SLC4A4: variants seen among roughly 807,000 people sequenced by gnomAD.
SLC4A4 encodes the protein solute carrier family 4 member 4, also known as electrogenic sodium bicarbonate cotransporter 1.
A neutral mutation model predicts 111.5 loss-of-function variants in SLC4A4; 27 were observed. That is an observed-to-expected ratio of 0.24 (90% confidence interval 0.18 to 0.33). The LOEUF is 0.33. Ranked by LOEUF, SLC4A4 falls within the 10% of genes least tolerant of loss-of-function variation. The pLI, the probability that SLC4A4 is intolerant of heterozygous loss-of-function variation, is 1.00. For synonymous variants in SLC4A4, 443 were observed against 463.4 expected (o/e 0.96, Z 0.57); for missense variants, 909 against 1,315.5 (o/e 0.69, Z 4.78).
intron 2 of SLC4A4, among the ~76,000 whole-genome samples, chr4:71,127,510 T>A (rs1321040319): frequency 1.3e-5 from 2 of 152,186 alleles, no homozygotes; most frequent in Admixed American, 1.3e-4. Flanking sequence ...TTAAAATAAA[T>A]ATGCCAGACT....
In SLC4A4 at chr4:71,357,095, G is replaced by A. The variant is rs933990528; in HGVS notation, c.638G>A (p.Arg213Gln). The A allele has an allele frequency of 6.8e-6, 11 of 1,613,876 alleles. No individual in the cohort carries two copies. The highest frequency in any genetic ancestry group is 1.1e-5 in the South Asian group (1 of 91,080). Residue 213 changes from arginine to glutamine, a missense_variant, in exon 6 of 26, where the codon CGG becomes CAG. Physicochemically the swap from Arg to Gln is conservative, Grantham distance 43 (BLOSUM62 1). Around this residue, in one of 7 missense-constraint regions of SLC4A4, gnomAD observed 312 missense variants for 402.0 expected, o/e 0.78. Coordinates refer to ENST00000264485, the MANE Select transcript of SLC4A4 (RefSeq NM_001098484.3). ...ACCTATACTTTGCTCCGGAAGCACCGGCATCAAACCAAGAAATCCAACCTT... is the reference window on the plus strand; with the variant it reads ...ACCTATACTTTGCTCCGGAAGCACCAGCATCAAACCAAGAAATCCAACCTT... ...KVTYTLLRKH[R>Q]HQTKKSNLRS...
chr4:71,376,585 T>C (rs1732420567), intron 6 of SLC4A4, among the ~76,000 whole-genome samples: 1 of 148,264 alleles, frequency 6.7e-6, no homozygotes, highest in Non-Finnish European at 1.5e-5. Context: ...TATATATATA[T>C]ATTTAAAATA....
At chr4:71,348,639 G>A (rs184671293) in intron 4 of SLC4A4, among the ~76,000 whole-genome samples, 1 of 152,150 alleles carries the variant, frequency 6.6e-6, no homozygotes, top group Admixed American at 6.6e-5. Flanking sequence ...CTTTAGATAC[G>A]GCTAAAATAC....
At chr4:71,542,141 A>G (rs529280440) in intron 18 of SLC4A4, among the ~76,000 whole-genome samples, 150 of 152,238 alleles carry the variant, frequency 9.9e-4, no homozygotes, top group South Asian at 3.7e-3. Flanking sequence ...CTGTTCAACA[A>G]ATGTGTCTCC....
intron 16 of SLC4A4, among the ~76,000 whole-genome samples, chr4:71,510,714 A>G (rs1731838651): frequency 6.6e-6 from 1 of 152,218 alleles, no homozygotes; most frequent in South Asian, 2.1e-4. Flanking sequence ...TTTACATTCA[A>G]GGTAACTTTT....
intron 1 of SLC4A4, among the ~76,000 whole-genome samples, chr4:71,218,705 C>G (rs771684130): frequency 2.0e-5 from 3 of 152,110 alleles, no homozygotes; most frequent in Non-Finnish European, 2.9e-5. Context: ...GTTTTATCAT[C>G]TGTAAAAGGG....
intron 7 of SLC4A4, among the ~76,000 whole-genome samples, chr4:71,433,336 C>A (rs1474946762): frequency 6.6e-6 from 1 of 151,718 alleles, no homozygotes; most frequent in Non-Finnish European, 1.5e-5. Flanking sequence ...GCTAACTTTT[C>A]TGCCTGTGAT....
chr4:71,356,630 CTTT>C (rs890279501), intron 5 of SLC4A4, among the ~76,000 whole-genome samples: 155 of 152,238 alleles, frequency 1.0e-3, no homozygotes, highest in African/African-American at 3.6e-3. Flanking sequence ...TTTCTATACT[CTTT>C]TTAAGTTTTT....
At chr4:71,349,871 A>C in intron 4 of SLC4A4, 41 bp from the exon 5 acceptor site, 1 of 1,606,790 alleles carries the variant, frequency 6.2e-7, no homozygotes, top group African/African-American at 1.3e-5. Flanking sequence ...AGAGGAAGTT[A>C]GAACACTTTT....
intron 3 of SLC4A4, among the ~76,000 whole-genome samples, chr4:71,256,444 G>T (rs536517131): frequency 6.6e-6 from 1 of 152,184 alleles, no homozygotes; most frequent in Non-Finnish European, 1.5e-5. Flanking sequence ...AACTGAGCAG[G>T]TGGCTTAGGA....
chr4:71,296,493 C>A (rs1482548257), intron 3 of SLC4A4, among the ~76,000 whole-genome samples: 2 of 152,038 alleles, frequency 1.3e-5, no homozygotes, highest in African/African-American at 4.8e-5. Context: ...ACTCTACATT[C>A]CTGAAGTTTA....
intron 18 of SLC4A4, among the ~76,000 whole-genome samples, chr4:71,544,873 T>C (rs1216458314): frequency 6.6e-6 from 1 of 151,918 alleles, no homozygotes; most frequent in Non-Finnish European, 1.5e-5. Context: ...GAGGGCAAGA[T>C]TTTTTTTGTC....
Position 71,532,127 on chromosome 4 carries a change from C to G in SLC4A4, c.2232C>G (p.Ala744=). The change falls in exon 17 of 26, where the codon GCC becomes GCG. Residue 744 remains alanine (A), a synonymous_variant. Coordinates refer to ENST00000264485, the MANE Select transcript of SLC4A4 (RefSeq NM_001098484.3). ...LSILIFCVID[A]LVGVDTPKLI... is the part of the protein sequence containing the mutation. The stretch of plus-strand genomic sequence containing the variant: ...TTCTCATCTTTTGTGTAATAGATGC[C>G]CTAGTAGGCGTGGACACCCCAAAAC... 6.2e-7 allele frequency: 1 copy of G among 1,612,976 alleles called. No individual in the cohort carries two copies. Among genetic ancestry groups the G allele is most frequent in the Non-Finnish European group, 8.5e-7 (1 of 1,179,278 alleles).
At chr4:71,070,317 G>A (rs1741631980) in intron 1 of SLC4A4, among the ~76,000 whole-genome samples, 1 of 152,142 alleles carries the variant, frequency 6.6e-6, no homozygotes, top group African/African-American at 2.4e-5. Context: ...CACTTTGGGG[G>A]GCTCTGTTTA....
At chr4:71,208,790 T>C (rs1271015757) in intron 1 of SLC4A4, among the ~76,000 whole-genome samples, 1 of 152,208 alleles carries the variant, frequency 6.6e-6, no homozygotes, top group Non-Finnish European at 1.5e-5. Flanking sequence ...CTAAGATGCC[T>C]GAATCAGTGT....
At chr4:71,144,193 C>T (rs996795250) in intron 2 of SLC4A4, among the ~76,000 whole-genome samples, 8 of 152,110 alleles carry the variant, frequency 5.3e-5, no homozygotes, top group Admixed American at 2.0e-4. Flanking sequence ...GCACCATCTA[C>T]TAAATAGGGA....
At chr4:71,095,073 T>C (rs973074154) in intron 2 of SLC4A4, among the ~76,000 whole-genome samples, 5 of 152,358 alleles carry the variant, frequency 3.3e-5, no homozygotes, top group Admixed American at 2.0e-4. Flanking sequence ...TTAATCAGCA[T>C]AATCTTTTCA....
intron 6 of SLC4A4, among the ~76,000 whole-genome samples, chr4:71,389,260 C>T (rs1008439897): frequency 6.6e-6 from 1 of 152,166 alleles, no homozygotes; most frequent in Non-Finnish European, 1.5e-5. Context: ...TATCTTTATC[C>T]CATACATTAG....
chr4:71,350,110 G>T, intron 5 of SLC4A4, 38 bp downstream of exon 5: 1 of 1,609,172 alleles, frequency 6.2e-7, no homozygotes, highest in Non-Finnish European at 8.5e-7. Context: ...ATTTTTTTCG[G>T]CTTTCCCTAG....
Sources: allele counts gnomAD v4.1 joint callset (sites outside exome capture counted in the v4.1 genomes callset), GRCh38; gene constraint gnomAD v4.1.1; regional missense constraint gnomAD v4.1.1; transcripts MANE v1.5; gene names NCBI Gene and HGNC (gene_info 2026-07-23, HGNC 2026-07-21).